Variants in VAV3 observed in about 807,000 individuals in gnomAD.
VAV3 encodes the protein guanine nucleotide exchange factor VAV3.
VAV3 carries 94 observed loss-of-function variants against 131.2 expected under a neutral mutation model. The ratio of observed to expected loss-of-function variants is 0.72; its 90% CI spans 0.61 to 0.85. VAV3 has a LOEUF of 0.85. Among genes scored for constraint, VAV3 ranks in the 40% least tolerant of loss-of-function variants. VAV3 has a pLI of 0.00. For synonymous variants in VAV3, 349 were observed against 342.0 expected (o/e 1.02, Z -0.22); for missense variants, 939 against 1,002.7 (o/e 0.94, Z 0.86).
intron 19 of VAV3, among the ~76,000 whole-genome samples, chr1:107,658,873 C>T (rs965094922): frequency 9.9e-5 from 15 of 152,052 alleles, no homozygotes; most frequent in South Asian, 2.1e-4. Context: ...GAGTAGGTTG[C>T]AAAAATTTTC....
At chr1:107,659,415 T>C (rs1557740314) in intron 19 of VAV3, among the ~76,000 whole-genome samples, 1 of 152,160 alleles carries the variant, frequency 6.6e-6, no homozygotes, top group Non-Finnish European at 1.5e-5. Context: ...CTGTTAAAAA[T>C]AACTACTTAC....
At chr1:107,632,043 GAA>G in intron 20 of VAV3, among the ~76,000 whole-genome samples, 1 of 152,122 alleles carries the variant, frequency 6.6e-6, no homozygotes, top group Non-Finnish European at 1.5e-5. Flanking sequence ...GATCCCTGAG[GAA>G]TCACCACACT....
chr1:107,927,266 C>A (rs1326100359), intron 1 of VAV3, among the ~76,000 whole-genome samples: 1 of 152,106 alleles, frequency 6.6e-6, no homozygotes, highest in African/African-American at 2.4e-5. Flanking sequence ...ACTAAAGTGC[C>A]CTTGGTCCCT....
intron 25 of VAV3, among the ~76,000 whole-genome samples, chr1:107,594,017 T>C (rs1318442969): frequency 6.6e-6 from 1 of 152,086 alleles, no homozygotes; most frequent in African/African-American, 2.4e-5. Context: ...TCTAACTTTA[T>C]ACAAAGTTAG....
intron 1 of VAV3, among the ~76,000 whole-genome samples, chr1:107,911,413 A>G (rs966212001): frequency 1.3e-5 from 2 of 152,214 alleles, no homozygotes; most frequent in African/African-American, 2.4e-5. Context: ...TCACCCATGT[A>G]GTGATGCCTA....
intron 2 of VAV3, among the ~76,000 whole-genome samples, chr1:107,784,788 G>A (rs1665892936): frequency 6.6e-6 from 1 of 152,164 alleles, no homozygotes; most frequent in African/African-American, 2.4e-5. Flanking sequence ...GTAATACCTT[G>A]CTAAATTGTT....
chr1:107,585,714 G>A (rs997022794), intron 25 of VAV3, among the ~76,000 whole-genome samples: 5 of 152,154 alleles, frequency 3.3e-5, no homozygotes, highest in African/African-American at 1.2e-4. Context: ...CTAGTGCCAT[G>A]TGATGGTGAC....
intron 20 of VAV3, among the ~76,000 whole-genome samples, 165 bp downstream of exon 20, chr1:107,642,454 C>A (rs1198453697): frequency 6.6e-6 from 1 of 152,156 alleles, no homozygotes; most frequent in Non-Finnish European, 1.5e-5. Context: ...CAGCAACCCT[C>A]GGGGCTGCTC....
In VAV3 at chr1:107,617,630, G is replaced by C; in HGVS notation, c.1917C>G (p.Gly639=). Residue 639 remains glycine, a splice_region_variant and synonymous_variant, in exon 21 of 27, where the codon GGC becomes GGG. Coordinates refer to ENST00000370056, the MANE Select transcript of VAV3 (RefSeq NM_006113.5). Reference sequence around the variant, plus strand: ...CAACCTCTCCAGATGCTAAATTTCTGCCCTAAGGAAAAAAAAAAAATGCCA... The same window carrying C: ...CAACCTCTCCAGATGCTAAATTTCTCCCCTAAGGAAAAAAAAAAAATGCCA... ...KGDAHSLFWQ[G]RNLASGEVGF... is the part of the protein sequence containing the mutation. 1 of 1,589,060 alleles carries C rather than the reference G, an allele frequency of 6.3e-7. No individual in the cohort carries two copies. Among genetic ancestry groups the C allele is most frequent in the Non-Finnish European group, 8.6e-7 (1 of 1,168,224 alleles).
chr1:107,815,670 T>C (rs1157759117), intron 2 of VAV3, among the ~76,000 whole-genome samples: 1 of 152,182 alleles, frequency 6.6e-6, no homozygotes, highest in African/African-American at 2.4e-5. Flanking sequence ...TTAAAGAAGA[T>C]AGGATATTTG....
chr1:107,687,080 C>T (rs1164290527), intron 18 of VAV3, among the ~76,000 whole-genome samples: 2 of 152,082 alleles, frequency 1.3e-5, no homozygotes, highest in Non-Finnish European at 1.5e-5. Flanking sequence ...ATCCTGATAG[C>T]CCTAGTGAAA....
chr1:107,937,605 T>C (rs1673785485), intron 1 of VAV3, among the ~76,000 whole-genome samples: 1 of 152,232 alleles, frequency 6.6e-6, no homozygotes, highest in Admixed American at 6.5e-5. Context: ...GTTTATGCCC[T>C]CACTATCATG....
Position 107,748,959 on chromosome 1 carries a change from A to T in VAV3, c.1502+9T>A. The T allele has an allele frequency of 6.4e-7, 1 of 1,560,658 alleles. No individual in the cohort carries two copies. Among genetic ancestry groups the T allele is most frequent in the Non-Finnish European group, 8.7e-7 (1 of 1,148,926 alleles). ...AAATAAAAGCACTTTTAAAAATAGAAATACTCACAAAGCCATTTCAAACTG... is the reference window on the plus strand; with the variant it reads ...AAATAAAAGCACTTTTAAAAATAGATATACTCACAAAGCCATTTCAAACTG... On this transcript the variant is annotated intron_variant, in intron 15 of 26. Coordinates refer to ENST00000370056, the MANE Select transcript of VAV3 (RefSeq NM_006113.5).
At chr1:107,753,493 T>TATATATAC (rs1553201222) in intron 12 of VAV3, among the ~76,000 whole-genome samples, 12 of 111,622 alleles carry the variant, frequency 1.1e-4, no homozygotes, top group African/African-American at 3.4e-4. Context: ...TGTATATATA[T>TATATATAC]ACACACATAT....
rs565062656 is a variant in VAV3 at position 107,594,977 on chromosome 1, G to A, written c.2350+1235C>T. The stretch of plus-strand genomic sequence containing the variant: ...TTCGAAAATTACATGTTTCATGCTG[G>A]GGGAAATGTCATAGCTTCAACAGAG... On this transcript the variant is annotated intron_variant, in intron 25 of 26. Coordinates refer to ENST00000370056, the MANE Select transcript of VAV3 (RefSeq NM_006113.5). Among the ~76,000 whole-genome samples the A allele has an allele frequency of 9.2e-5, 14 of 152,200 alleles. No homozygotes were observed. In the South Asian group the frequency reaches 2.9e-3, roughly 32 times the overall value.
At chr1:107,778,467 G>A (rs2102220590) in intron 3 of VAV3, among the ~76,000 whole-genome samples, 1 of 152,228 alleles carries the variant, frequency 6.6e-6, no homozygotes, top group East Asian at 1.9e-4. Flanking sequence ...ATGTATTGAA[G>A]AGCAAATTAG....
chr1:107,820,850 G>A (rs1397652218), intron 2 of VAV3: 1 of 152,028 alleles, frequency 6.6e-6, no homozygotes, highest in Non-Finnish European at 1.5e-5. Flanking sequence ...AGAAAAAATA[G>A]GAGCTTACCA....
At chr1:107,831,460 T>C (rs536611323) in intron 2 of VAV3, among the ~76,000 whole-genome samples, 44 of 152,332 alleles carry the variant, frequency 2.9e-4, no homozygotes, top group African/African-American at 1.0e-3. Context: ...TTTTCTTCCA[T>C]ATATATTGCA....
At chr1:107,860,165 G>A (rs1669669368) in intron 2 of VAV3, among the ~76,000 whole-genome samples, 1 of 152,130 alleles carries the variant, frequency 6.6e-6, no homozygotes, top group Admixed American at 6.6e-5. Flanking sequence ...CTATCACCCA[G>A]GCGAGAATGC....
Sources: gnomAD v4.1 joint callset for allele counts (sites outside exome capture counted in the v4.1 genomes callset) on GRCh38, gnomAD v4.1.1 for gene constraint, MANE v1.5 for transcripts, NCBI Gene and HGNC (gene_info 2026-07-23, HGNC 2026-07-21) for gene names.